BRINP3: variants seen among roughly 807,000 people sequenced by gnomAD.
The protein encoded by BRINP3 is BMP/retinoic acid inducible neural specific 3.
In BRINP3, 19 loss-of-function variants were observed where a neutral mutation model predicts 71.0. That is an observed-to-expected ratio of 0.27 (90% confidence interval 0.19 to 0.39). The LOEUF (loss-of-function observed/expected upper bound fraction) is 0.39, where lower values mean the gene tolerates loss of function less well. Among genes scored for constraint, BRINP3 ranks in the 10% least tolerant of loss-of-function variants. BRINP3 has a pLI of 1.00. For missense variants in BRINP3, 959 were observed against 940.8 expected, an observed-to-expected ratio of 1.02 and a Z score of -0.25; for synonymous variants, 380 against 337.7, an observed-to-expected ratio of 1.13 and a Z score of -1.37.
chr1:190,311,647 A>T (rs549216466), intron 2 of BRINP3, among the ~76,000 whole-genome samples: 8 of 151,582 alleles, frequency 5.3e-5, no homozygotes, highest in South Asian at 2.1e-4. Context: ...ATGGAGGTTA[A>T]TTTTTTCTGT....
At chr1:190,189,257 T>C (rs1368231808) in intron 6 of BRINP3, among the ~76,000 whole-genome samples, 1 of 152,176 alleles carries the variant, frequency 6.6e-6, no homozygotes, top group Non-Finnish European at 1.5e-5. Flanking sequence ...TACTTAACAG[T>C]GAAACCATCA....
At chr1:190,472,853 G>A (rs1221685915) in intron 1 of BRINP3, among the ~76,000 whole-genome samples, 1 of 148,722 alleles carries the variant, frequency 6.7e-6, no homozygotes, top group East Asian at 2.0e-4. Context: ...AGTCCCAATG[G>A]TTTCTTCCTA....
At chr1:190,231,792 C>T (rs1658016597) in intron 5 of BRINP3, among the ~76,000 whole-genome samples, 1 of 151,664 alleles carries the variant, frequency 6.6e-6, no homozygotes, top group Non-Finnish European at 1.5e-5. Flanking sequence ...TTTTATATAT[C>T]TTATTTTTTA....
intron 6 of BRINP3, among the ~76,000 whole-genome samples, chr1:190,194,901 C>T (rs554765669): frequency 6.6e-6 from 1 of 152,088 alleles, no homozygotes; most frequent in East Asian, 1.9e-4. Context: ...AGATGGTTAG[C>T]ATAAATAATT....
chr1:190,429,500 T>C (rs757008183), intron 2 of BRINP3, among the ~76,000 whole-genome samples: 6 of 152,150 alleles, frequency 3.9e-5, no homozygotes, highest in Non-Finnish European at 5.9e-5. Context: ...TGTTTGTTTG[T>C]AGTAGACATA....
At chr1:190,236,569 T>A (rs1658538495) in intron 4 of BRINP3, among the ~76,000 whole-genome samples, 1 of 151,878 alleles carries the variant, frequency 6.6e-6, no homozygotes, top group South Asian at 2.1e-4. Context: ...ATAGCCAGAG[T>A]TGACAGTGTG....
chr1:190,157,438 T>C (rs1350098131), intron 7 of BRINP3, among the ~76,000 whole-genome samples: 3 of 152,036 alleles, frequency 2.0e-5, no homozygotes, highest in Non-Finnish European at 4.4e-5. Flanking sequence ...TTCCCTGAGA[T>C]TGTCCAAATC....
At chr1:190,338,305 G>C (rs1473901413) in intron 2 of BRINP3, among the ~76,000 whole-genome samples, 1 of 151,958 alleles carries the variant, frequency 6.6e-6, no homozygotes, top group Non-Finnish European at 1.5e-5. Context: ...CACTATAACA[G>C]AGTTAAGAAT....
intron 2 of BRINP3, among the ~76,000 whole-genome samples, chr1:190,400,060 T>C (rs900541415): frequency 1.3e-5 from 2 of 152,040 alleles, no homozygotes; most frequent in African/African-American, 4.8e-5. Context: ...ACATTCTACA[T>C]AAGAAAGGTT....
intron 2 of BRINP3, among the ~76,000 whole-genome samples, chr1:190,290,526 C>T (rs1247461355): frequency 6.6e-6 from 1 of 152,062 alleles, no homozygotes; most frequent in Non-Finnish European, 1.5e-5. Context: ...TAATTTTTCA[C>T]TGATTAGCAG....
intron 6 of BRINP3, among the ~76,000 whole-genome samples, chr1:190,186,438 T>G (rs181968011): frequency 6.6e-6 from 1 of 152,244 alleles, no homozygotes; most frequent in East Asian, 1.9e-4. Flanking sequence ...CACCTTTTTT[T>G]GCCTAGATCC....
At chr1:190,137,338 GA>G (rs1655059756) in intron 7 of BRINP3, among the ~76,000 whole-genome samples, 1 of 151,236 alleles carries the variant, frequency 6.6e-6, no homozygotes, top group Non-Finnish European at 1.5e-5. Context: ...CCATGTGAAG[GA>G]AAAATTGAAA....
chr1:190,281,499 G>A (rs1423925304), intron 3 of BRINP3, 61 bp downstream of exon 3: 7 of 1,465,130 alleles, frequency 4.8e-6, no homozygotes, highest in Non-Finnish European at 6.5e-6. Context: ...ACACTTTTCT[G>A]CGATTTATAC....
chr1:190,375,867 TG>T (rs1670152789), intron 2 of BRINP3, among the ~76,000 whole-genome samples: 1 of 152,072 alleles, frequency 6.6e-6, no homozygotes, highest in Non-Finnish European at 1.5e-5. Context: ...TTAGTGATTT[TG>T]TTTTTCCATT....
At chr1:190,199,769 A>AG (rs1292116372) in intron 6 of BRINP3, among the ~76,000 whole-genome samples, 2 of 120,112 alleles carry the variant, frequency 1.7e-5, no homozygotes, top group African/African-American at 3.2e-5. Flanking sequence ...GTCAAGGCAT[A>AG]GGAAAAAAAA....
chr1:190,393,487 T>A (rs1671381934), intron 2 of BRINP3, among the ~76,000 whole-genome samples: 1 of 151,522 alleles, frequency 6.6e-6, no homozygotes, highest in Admixed American at 6.6e-5. Flanking sequence ...ACCTGTAATA[T>A]AAAGTATATT....
intron 1 of BRINP3, among the ~76,000 whole-genome samples, chr1:190,460,735 C>T (rs950053441): frequency 2.0e-5 from 3 of 152,154 alleles, no homozygotes; most frequent in South Asian, 2.1e-4. Context: ...GAAAACTAAA[C>T]GTTCTCCAAA....
At chr1:190,466,536 C>T (rs569075432) in intron 1 of BRINP3, among the ~76,000 whole-genome samples, 31 of 151,836 alleles carry the variant, frequency 2.0e-4, no homozygotes, top group African/African-American at 7.5e-4. Flanking sequence ...AAGAAACTTT[C>T]AGAATTTCAA....
intron 7 of BRINP3, among the ~76,000 whole-genome samples, chr1:190,152,346 A>G (rs1295422826): frequency 6.6e-6 from 1 of 152,018 alleles, no homozygotes; most frequent in African/African-American, 2.4e-5. Context: ...CAAGCAAATA[A>G]TTATTCATTA....
Sources: allele counts gnomAD v4.1 joint callset (sites outside exome capture counted in the v4.1 genomes callset), GRCh38; gene constraint gnomAD v4.1.1; transcripts MANE v1.5; gene names NCBI Gene and HGNC (gene_info 2026-07-23, HGNC 2026-07-21).